PTPRQ: variants seen among roughly 807,000 people sequenced by gnomAD.
PTPRQ encodes the protein phosphatidylinositol phosphatase PTPRQ.
In PTPRQ, 199 loss-of-function variants were observed where a neutral mutation model predicts 246.0. That is an observed-to-expected ratio of 0.81 (90% CI 0.72 to 0.91). The LOEUF (loss-of-function observed/expected upper bound fraction) is 0.91, where lower values mean the gene tolerates loss of function less well. Among genes scored for constraint, PTPRQ ranks in the 40% least tolerant of loss-of-function variants. PTPRQ has a pLI of 0.00. For synonymous variants in PTPRQ, 869 were observed against 853.2 expected (o/e 1.02, Z -0.32); for missense variants, 2,624 against 2,528.4 (o/e 1.04, Z -0.81).
intron 25 of PTPRQ, among the ~76,000 whole-genome samples, chr12:80,555,811 C>G (rs187832831): frequency 6.6e-6 from 1 of 152,226 alleles, no homozygotes; most frequent in Admixed American, 6.5e-5. Flanking sequence ...TCTTTTTACA[C>G]TTCTTGTAGT....
At chr12:80,662,813 A>C (rs545246403) in intron 39 of PTPRQ, among the ~76,000 whole-genome samples, 1 of 152,034 alleles carries the variant, frequency 6.6e-6, no homozygotes, top group African/African-American at 2.4e-5. Flanking sequence ...CAGAGCTTTA[A>C]AAACCAGTAA....
In PTPRQ at chr12:80,678,905, A is replaced by G. The variant is rs146205487; in HGVS notation, c.6863-81A>G. ...GGCTAATAATACCCTTTCTGTCTAC[A>G]TTATATTTTTATCATGAAACATTTC... is the stretch of plus-strand genomic sequence containing the variant. On this transcript the variant is annotated intron_variant, in intron 44 of 44. Transcript: ENST00000644991. The G allele has an allele frequency of 1.6e-5, 23 of 1,478,886 alleles. No individual in the cohort carries two copies. The East Asian group carries it at 5.5e-4, about 35-fold the overall frequency. The allele number at this position is 1,478,886 out of a possible 1,614,324, so 91.6% of individuals were successfully genotyped here.
At chr12:80,477,505 G>A (rs556567904) in intron 8 of PTPRQ, among the ~76,000 whole-genome samples, 7 of 152,068 alleles carry the variant, frequency 4.6e-5, no homozygotes, top group African/African-American at 1.7e-4. Context: ...CTTACATTTC[G>A]AGAACAATGT....
At chr12:80,455,357 GC>G (rs1388118059) in intron 3 of PTPRQ, among the ~76,000 whole-genome samples, 1 of 151,908 alleles carries the variant, frequency 6.6e-6, no homozygotes, top group Non-Finnish European at 1.5e-5. Flanking sequence ...AAATAATTTA[GC>G]CCTTATAACT....
chr12:80,660,482 A>T (rs1900591961), intron 39 of PTPRQ, among the ~76,000 whole-genome samples: 1 of 152,044 alleles, frequency 6.6e-6, no homozygotes, highest in Non-Finnish European at 1.5e-5. Flanking sequence ...TTGCAGCCCC[A>T]TAATCTGCCA....
intron 27 of PTPRQ, 136 bp downstream of exon 27, chr12:80,605,316 G>A: frequency 4.5e-6 from 5 of 1,114,514 alleles, no homozygotes; most frequent in Non-Finnish European, 4.9e-6. Flanking sequence ...GTGTTTCAAT[G>A]TCTACATCTG....
At chr12:80,640,767 A>G (rs1376448888) in intron 35 of PTPRQ, among the ~76,000 whole-genome samples, 1 of 152,114 alleles carries the variant, frequency 6.6e-6, no homozygotes, top group Non-Finnish European at 1.5e-5. Context: ...CTATATTTCT[A>G]TTTACAACAT....
At chr12:80,546,831 G>A (rs924702891) in intron 24 of PTPRQ, 134 bp downstream of exon 24, 6 of 1,052,320 alleles carry the variant, frequency 5.7e-6, no homozygotes, top group East Asian at 2.7e-5. Context: ...AGTGCTTTAC[G>A]TTTAGTCTTG....
intron 6 of PTPRQ, among the ~76,000 whole-genome samples, chr12:80,467,628 C>T (rs535865577): frequency 6.6e-6 from 1 of 152,116 alleles, no homozygotes; most frequent in South Asian, 2.1e-4. Context: ...CAATGATAGA[C>T]TGGATTAAGA....
At chr12:80,466,988 A>G (rs1363031674) in intron 6 of PTPRQ, among the ~76,000 whole-genome samples, 1 of 152,226 alleles carries the variant, frequency 6.6e-6, no homozygotes, top group Admixed American at 6.5e-5. Context: ...AGTGGCAACA[A>G]AAGCCAAAAT....
intron 6 of PTPRQ, among the ~76,000 whole-genome samples, chr12:80,467,862 T>TG (rs1289980630): frequency 6.8e-6 from 1 of 147,466 alleles, no homozygotes; most frequent in African/African-American, 2.6e-5. Flanking sequence ...TGTTGTGGGG[T>TG]GGGGGCAGGG....
chr12:80,497,272 G>C (rs912128626), intron 14 of PTPRQ, among the ~76,000 whole-genome samples: 38 of 151,594 alleles, frequency 2.5e-4, no homozygotes, highest in Non-Finnish European at 3.8e-4. Context: ...CTATCTGGGG[G>C]GTAATGGGAG....
intron 2 of PTPRQ, among the ~76,000 whole-genome samples, 153 bp from the exon 3 acceptor site, chr12:80,445,338 A>AT (rs879429955): frequency 4.6e-4 from 70 of 151,948 alleles, no homozygotes; most frequent in Middle Eastern, 3.4e-3. Flanking sequence ...TCCACATAGT[A>AT]TTTTTTTAAT....
intron 38 of PTPRQ, among the ~76,000 whole-genome samples, chr12:80,656,475 C>T (rs1255171044): frequency 6.6e-6 from 1 of 152,006 alleles, no homozygotes; most frequent in African/African-American, 2.4e-5. Context: ...CCCATTTTTC[C>T]TCCTTGAAAA....
At chr12:80,632,171 C>G in intron 33 of PTPRQ, 21 bp from the exon 34 acceptor site, 3 of 1,539,280 alleles carry the variant, frequency 1.9e-6, no homozygotes, top group Non-Finnish European at 2.6e-6. Context: ...ATTTAATGAT[C>G]CTGTTATCCC....
intron 25 of PTPRQ, chr12:80,560,871 T>C (rs938476281): frequency 6.5e-6 from 1 of 152,866 alleles, no homozygotes; most frequent in Admixed American, 6.5e-5. Context: ...TTTCAAGTTA[T>C]GTAAAAATGG....
In PTPRQ at chr12:80,605,107, T is replaced by C. The variant is rs935279011; in HGVS notation, c.4658T>C (p.Phe1553Ser). The C allele has an allele frequency of 6.5e-7, 1 of 1,545,594 alleles. No individual in the cohort carries two copies. The highest frequency in any genetic ancestry group is 8.7e-7 in the Non-Finnish European group (1 of 1,143,396). Residue 1553 changes from phenylalanine (F) to serine (S), a missense_variant, in exon 27 of 45, where the codon TTT becomes TCT. Phe to Ser is a radical substitution (Grantham distance 155). Transcript: ENST00000644991. ...ENVHVVATSP[F>S]SISISWSEPA... ...GTTCATGTAGTAGCAACATCACCTT[T>C]TAGCATCAGCATAAGCTGGAGTGAA...
chr12:80,472,186 T>C lies in PTPRQ; in HGVS notation c.1121T>C (p.Ile374Thr), dbSNP rs954882472. The C allele has an allele frequency of 1.3e-6, 2 of 1,551,544 alleles. No individual in the cohort carries two copies. Among genetic ancestry groups the C allele is most frequent in the African/African-American group, 1.4e-5 (1 of 73,048 alleles). ...LTPFTMYDVY[I>T]AAETSAGTGP... Reference sequence around the variant, plus strand: ...CCATTTACAATGTATGATGTCTATATTGCGGCTGAAACCAGTGCAGGGACT... The same window carrying C: ...CCATTTACAATGTATGATGTCTATACTGCGGCTGAAACCAGTGCAGGGACT... Residue 374 changes from isoleucine to threonine, a missense_variant, in exon 8 of 45, where the codon ATT (isoleucine) becomes ACT (threonine). Coordinates refer to ENST00000644991, the MANE Select transcript of PTPRQ (RefSeq NM_001145026.2).
At chr12:80,549,785 A>G in intron 25 of PTPRQ, 51 bp downstream of exon 25, 1 of 1,486,868 alleles carries the variant, frequency 6.7e-7, no homozygotes. Flanking sequence ...CTATTTGGGG[A>G]TTGTGTCAAT....
Sources: gnomAD v4.1 joint callset for allele counts (sites outside exome capture counted in the v4.1 genomes callset) on GRCh38, gnomAD v4.1.1 for gene constraint, MANE v1.5 for transcripts, NCBI Gene and HGNC (gene_info 2026-07-23, HGNC 2026-07-21) for gene names.